The following SCHIP1 variants were observed in gnomAD, a reference collection of about 807,000 sequenced individuals.
The protein encoded by SCHIP1 is schwannomin interacting protein 1.
A neutral mutation model predicts 29.7 loss-of-function variants in SCHIP1; 8 were observed. That is an observed-to-expected ratio of 0.27 (90% CI 0.16 to 0.49). The LOEUF (loss-of-function observed/expected upper bound fraction) is 0.49. SCHIP1 is among the 20% of genes least tolerant of loss of function. The pLI, the probability that SCHIP1 is intolerant of heterozygous loss-of-function variation, is 0.99. For missense variants in SCHIP1, 193 were observed against 294.6 expected (o/e 0.66, Z 2.52); for synonymous variants, 76 against 94.9 (o/e 0.80, Z 1.16).
intron 2 of SCHIP1, among the ~76,000 whole-genome samples, chr3:159,871,394 G>A (rs1297640139): frequency 6.6e-6 from 1 of 151,722 alleles, no homozygotes. Context: ...ATAACCTAAC[G>A]TTGTAGTATA....
chr3:159,834,347 C>CTCT, the SCHIP1 span, among the ~76,000 whole-genome samples: 2,055 of 152,294 alleles, frequency 0.013, 39 homozygotes, highest in African/African-American at 0.047. Flanking sequence ...GCTGAGCGTT[C>CTCT]TCTTCTCTTG....
the SCHIP1 span, among the ~76,000 whole-genome samples, chr3:159,756,576 G>A: frequency 6.6e-6 from 1 of 152,152 alleles, no homozygotes; most frequent in South Asian, 2.1e-4. Context: ...CATTGTCTTG[G>A]GGATTAACAT....
the SCHIP1 span, among the ~76,000 whole-genome samples, chr3:159,341,826 G>T: frequency 1.3e-5 from 2 of 151,966 alleles, no homozygotes; most frequent in Admixed American, 6.6e-5. Flanking sequence ...GATGATTGTG[G>T]TTATCAAATC....
chr3:159,430,333 C>A, the SCHIP1 span, among the ~76,000 whole-genome samples: 1 of 152,082 alleles, frequency 6.6e-6, no homozygotes, highest in African/African-American at 2.4e-5. Flanking sequence ...ATTTATGATG[C>A]ACAAAAATGG....
chr3:159,840,207 C>G (rs991949176), exon 1 of SCHIP1: 1 of 1,535,518 alleles, frequency 6.5e-7, no homozygotes, highest in Non-Finnish European at 8.7e-7. Context: ...GATAACTGCT[C>G]GTATCAGGTA....
the SCHIP1 span, among the ~76,000 whole-genome samples, chr3:159,321,803 C>T: frequency 6.6e-6 from 1 of 151,888 alleles, no homozygotes; most frequent in Non-Finnish European, 1.5e-5. Flanking sequence ...ACATCTTTAA[C>T]GTTTTCTAGA....
the SCHIP1 span, among the ~76,000 whole-genome samples, chr3:159,497,509 A>C: frequency 6.6e-6 from 1 of 151,992 alleles, no homozygotes; most frequent in Non-Finnish European, 1.5e-5. Context: ...ACAAGGGAAG[A>C]AACTGGGGCC....
chr3:159,276,078 G>A, the SCHIP1 span, among the ~76,000 whole-genome samples: 1 of 145,986 alleles, frequency 6.8e-6, no homozygotes, highest in African/African-American at 2.5e-5. Context: ...GCAGCTAATT[G>A]GCGGGTGTGG....
At chr3:159,291,501 AC>A in the SCHIP1 span, among the ~76,000 whole-genome samples, 1 of 152,170 alleles carries the variant, frequency 6.6e-6, no homozygotes, top group African/African-American at 2.4e-5. Context: ...CAATTTTGCA[AC>A]CCCAATGAAA....
chr3:159,520,121 A>T, the SCHIP1 span, among the ~76,000 whole-genome samples: 1 of 150,376 alleles, frequency 6.6e-6, no homozygotes, highest in Admixed American at 6.6e-5. Flanking sequence ...AAAAACTCCC[A>T]GCTCAGTGGA....
At chr3:159,374,689 A>G in the SCHIP1 span, among the ~76,000 whole-genome samples, 1 of 152,204 alleles carries the variant, frequency 6.6e-6, no homozygotes, top group African/African-American at 2.4e-5. Flanking sequence ...TGACTCTATT[A>G]CTTAATAGAT....
At chr3:159,828,376 C>CATATATATATATATATAT in the SCHIP1 span, among the ~76,000 whole-genome samples, 1 of 75,710 alleles carries the variant, frequency 1.3e-5, no homozygotes, top group African/African-American at 6.5e-5. Context: ...TATATATATA[C>CATATATATATATATATAT]ATATATATAT....
At chr3:159,296,403 T>C in the SCHIP1 span, among the ~76,000 whole-genome samples, 1 of 152,076 alleles carries the variant, frequency 6.6e-6, no homozygotes, top group African/African-American at 2.4e-5. Context: ...ATTACCAGAG[T>C]CAAGTTAATT....
At chr3:159,487,036 C>T in the SCHIP1 span, among the ~76,000 whole-genome samples, 1 of 152,196 alleles carries the variant, frequency 6.6e-6, no homozygotes, top group East Asian at 1.9e-4. Flanking sequence ...AGACTGGTGA[C>T]AATGAGCTGG....
chr3:159,445,440 TAGTTCA>T, the SCHIP1 span, among the ~76,000 whole-genome samples: 2,834 of 151,610 alleles, frequency 0.019, 56 homozygotes, highest in Non-Finnish European at 0.026. Flanking sequence ...GACTGTAAAC[TAGTTCA>T]ACCATTGTGG....
At chr3:159,423,197 CAGTG>C in the SCHIP1 span, among the ~76,000 whole-genome samples, 1 of 152,220 alleles carries the variant, frequency 6.6e-6, no homozygotes, top group Admixed American at 6.5e-5. Flanking sequence ...GAGTGCCAGA[CAGTG>C]GGCACAGGTC....
At chr3:159,335,056 C>T in the SCHIP1 span, among the ~76,000 whole-genome samples, 1 of 151,946 alleles carries the variant, frequency 6.6e-6, no homozygotes, top group African/African-American at 2.4e-5. Context: ...TGTGCCACCA[C>T]ACCTGGCTAA....
At chr3:159,719,237 A>T in the SCHIP1 span, among the ~76,000 whole-genome samples, 1 of 152,236 alleles carries the variant, frequency 6.6e-6, no homozygotes, top group Non-Finnish European at 1.5e-5. Context: ...TTAATTCAAG[A>T]TGGATTAAAG....
At chr3:159,496,416 C>T in the SCHIP1 span, among the ~76,000 whole-genome samples, 3 of 151,940 alleles carry the variant, frequency 2.0e-5, no homozygotes, top group African/African-American at 7.2e-5. Context: ...AAGAAAAAAA[C>T]AAACAACCCC....
Sources: allele counts gnomAD v4.1 joint callset (sites outside exome capture counted in the v4.1 genomes callset), GRCh38; gene constraint gnomAD v4.1.1; transcripts MANE v1.5; gene names NCBI Gene and HGNC (gene_info 2026-07-23, HGNC 2026-07-21).